The following PCDH15 variants were observed in gnomAD, a reference collection of about 807,000 sequenced individuals.
PCDH15 encodes protocadherin related 15.
In PCDH15, 129 loss-of-function variants were observed where a neutral mutation model predicts 178.5. The ratio of observed to expected loss-of-function variants is 0.72; its 90% CI spans 0.63 to 0.84. The LOEUF is 0.84. Ranked by LOEUF, PCDH15 falls within the 40% of genes least tolerant of loss-of-function variation. The pLI, the probability that PCDH15 is intolerant of heterozygous loss-of-function variation, is 0.00. For missense variants in PCDH15, 2,230 were observed against 2,099.9 expected (o/e 1.06, Z -1.21); for synonymous variants, 800 against 732.0 (o/e 1.09, Z -1.50).
chr10:54,642,775 A>T (rs2094022023), intron 2 of PCDH15, among the ~76,000 whole-genome samples: 1 of 152,214 alleles, frequency 6.6e-6, no homozygotes, highest in Non-Finnish European at 1.5e-5. Context: ...ATAAAAGGAC[A>T]AAAGTTTTAC....
At chr10:55,025,841 G>A (rs545678478) in intron 2 of PCDH15, among the ~76,000 whole-genome samples, 1 of 151,858 alleles carries the variant, frequency 6.6e-6, no homozygotes, top group African/African-American at 2.4e-5. Context: ...AAACAGAAAG[G>A]TTCCTGCGAT....
intron 15 of PCDH15, among the ~76,000 whole-genome samples, chr10:54,109,480 C>T (rs1303319708): frequency 2.6e-5 from 4 of 152,140 alleles, no homozygotes; most frequent in African/African-American, 4.8e-5. Context: ...CACAATGGAG[C>T]ATTATTCAGC....
intron 20 of PCDH15, among the ~76,000 whole-genome samples, chr10:54,005,965 A>G (rs965556626): frequency 2.0e-5 from 3 of 152,174 alleles, no homozygotes; most frequent in African/African-American, 7.2e-5. Context: ...ACAAGGGAGT[A>G]CTATTTAACC....
intron 2 of PCDH15, among the ~76,000 whole-genome samples, chr10:55,135,880 G>C (rs944714982): frequency 6.6e-6 from 1 of 151,884 alleles, no homozygotes; most frequent in African/African-American, 2.4e-5. Context: ...CACTGTGCCC[G>C]GCATAAAGCT....
intron 1 of PCDH15, among the ~76,000 whole-genome samples, chr10:55,290,200 T>C (rs139320628): frequency 6.6e-5 from 10 of 152,074 alleles, no homozygotes; most frequent in Non-Finnish European, 1.5e-4. Context: ...TGAATTGAAT[T>C]GTGTCCCTCA....
At chr10:54,350,346 T>G (rs1943973101) in intron 5 of PCDH15, among the ~76,000 whole-genome samples, 1 of 152,158 alleles carries the variant, frequency 6.6e-6, no homozygotes, top group African/African-American at 2.4e-5. Context: ...AGTTCCACAT[T>G]TAAGGCAAAT....
At chr10:55,235,329 C>G (rs1841347255) in intron 1 of PCDH15, among the ~76,000 whole-genome samples, 3 of 151,986 alleles carry the variant, frequency 2.0e-5, no homozygotes, top group Admixed American at 2.0e-4. Flanking sequence ...GTAAAAATTT[C>G]CATTCGTAAC....
intron 1 of PCDH15, among the ~76,000 whole-genome samples, chr10:54,766,118 GA>G (rs912927048): frequency 1.3e-5 from 2 of 151,724 alleles, no homozygotes; most frequent in South Asian, 2.1e-4. Context: ...TCTGGAATAA[GA>G]AAAAAATACA....
chr10:53,995,738 T>C lies in PCDH15; in HGVS notation c.2779A>G (p.Ser927Gly), dbSNP rs1265390601. The change falls in exon 21 of 38, where the codon AGT (serine) becomes GGT (glycine). Residue 927 changes from serine (S) to glycine (G), a missense_variant. Physicochemically the swap from Ser to Gly is moderately conservative, Grantham distance 56. Transcript: ENST00000644397. The part of the protein sequence containing the change: ...KDMNDYPPVF[S>G]KRIYKGMVAP... ...ACCATCCCTTTGTATATTCGTTTAC[T>C]AAAGACAGGAGGATAATCATTCATA... 2 of 1,613,902 alleles carry C rather than the reference T, an allele frequency of 1.2e-6. No homozygotes were observed. The highest frequency in any genetic ancestry group is 1.7e-6 in the Non-Finnish European group (2 of 1,179,804).
chr10:55,268,330 T>TA (rs1288530456), intron 1 of PCDH15, among the ~76,000 whole-genome samples: 2 of 152,142 alleles, frequency 1.3e-5, no homozygotes, highest in Admixed American at 6.6e-5. Context: ...CAACCCCACA[T>TA]ATGTACACAA....
chr10:55,387,093 A>T (rs1029877685), intron 2 of PCDH15, among the ~76,000 whole-genome samples: 1 of 152,162 alleles, frequency 6.6e-6, no homozygotes, highest in African/African-American at 2.4e-5. Context: ...TTTTTAAAAT[A>T]TCGTGCCATT....
chr10:55,187,897 T>C (rs1156929156), intron 1 of PCDH15, among the ~76,000 whole-genome samples: 2 of 151,954 alleles, frequency 1.3e-5, no homozygotes, highest in African/African-American at 4.8e-5. Context: ...ATATGTATTA[T>C]ATTTTATAAT....
At chr10:55,442,455 T>TTTTATATA (rs1554869561) in intron 2 of PCDH15, among the ~76,000 whole-genome samples, 4 of 121,148 alleles carry the variant, frequency 3.3e-5, no homozygotes, top group South Asian at 2.6e-4. Flanking sequence ...CTTAATTTGA[T>TTTTATATA]TATATATATA....
At chr10:54,938,103 G>C in intron 2 of PCDH15, among the ~76,000 whole-genome samples, 1 of 152,150 alleles carries the variant, frequency 6.6e-6, no homozygotes, top group East Asian at 1.9e-4. Context: ...AGATGGTCAT[G>C]TGCTTTGTGT....
chr10:54,431,876 T>C (rs372400643), intron 3 of PCDH15, among the ~76,000 whole-genome samples: 31 of 152,150 alleles, frequency 2.0e-4, no homozygotes, highest in African/African-American at 6.7e-4. Flanking sequence ...CTATCAAAAA[T>C]CTATTAGAAC....
chr10:54,514,907 T>A (rs1204002698), intron 3 of PCDH15, among the ~76,000 whole-genome samples: 1 of 152,222 alleles, frequency 6.6e-6, no homozygotes, highest in African/African-American at 2.4e-5. Flanking sequence ...TCCATAAAAC[T>A]TACTCATCGA....
chr10:55,068,501 C>T (rs150019695), intron 2 of PCDH15, among the ~76,000 whole-genome samples: 1,675 of 152,184 alleles, frequency 0.011, 20 homozygotes, highest in Non-Finnish European at 0.018. Context: ...CATAGGCGTG[C>T]ACTATGCTTT....
At chr10:54,008,144 A>G (rs1421550832) in intron 20 of PCDH15, among the ~76,000 whole-genome samples, 1 of 152,208 alleles carries the variant, frequency 6.6e-6, no homozygotes, top group Non-Finnish European at 1.5e-5. Flanking sequence ...AAATTTTATT[A>G]TGCTTAGATG....
chr10:53,830,387 C>G (rs1042090036), intron 30 of PCDH15, among the ~76,000 whole-genome samples: 1 of 150,836 alleles, frequency 6.6e-6, no homozygotes, highest in Non-Finnish European at 1.5e-5. Flanking sequence ...AATAGCAGTT[C>G]TACCATTATT....
Sources: allele counts gnomAD v4.1 joint callset (sites outside exome capture counted in the v4.1 genomes callset), GRCh38; gene constraint gnomAD v4.1.1; transcripts MANE v1.5; gene names NCBI Gene and HGNC (gene_info 2026-07-23, HGNC 2026-07-21).